Variants in NEU3 observed in about 807,000 individuals in gnomAD.
NEU3 encodes sialidase-3.
NEU3 carries 10 observed loss-of-function variants against 11.4 expected under a neutral mutation model. That is an observed-to-expected ratio of 0.88 (90% CI 0.54 to 1.49). NEU3 has a LOEUF of 1.49. Ranked by LOEUF, NEU3 falls within the 40% of genes most tolerant of loss-of-function variation. The pLI, the probability that NEU3 is intolerant of heterozygous loss-of-function variation, is 0.00. For synonymous variants in NEU3, 212 were observed against 228.2 expected, an observed-to-expected ratio of 0.93 and a Z score of 0.64; for missense variants, 529 against 581.8, an observed-to-expected ratio of 0.91 and a Z score of 0.93.
chr11:74,984,140 A>G (rs999321855), upstream of NEU3, among the ~76,000 whole-genome samples: 1 of 152,242 alleles, frequency 6.6e-6, no homozygotes, highest in Non-Finnish European at 1.5e-5. Flanking sequence ...TGGCATAGAA[A>G]TGAAAGGTGC....
intron 1 of NEU3, among the ~76,000 whole-genome samples, chr11:74,989,448 G>C (rs535622815): frequency 6.6e-6 from 1 of 152,196 alleles, no homozygotes; most frequent in Non-Finnish European, 1.5e-5. Context: ...CTGAGCTTCA[G>C]TTTCAACTTA....
intron 2 of NEU3, among the ~76,000 whole-genome samples, chr11:75,001,337 A>G (rs1452702770): frequency 6.9e-6 from 1 of 144,176 alleles, no homozygotes; most frequent in African/African-American, 2.6e-5. Context: ...GCTGGAGTAC[A>G]GTGGTCAACT....
Position 75,006,581 on chromosome 11 carries a change from T to A in NEU3, c.*89T>A, listed in dbSNP as rs537024236. 4 of 1,434,912 alleles carry A rather than the reference T, an allele frequency of 2.8e-6. No homozygotes were observed. The South Asian group carries it at 4.2e-5, about 15-fold the overall frequency. 88.9% of individuals were successfully genotyped at this position (1,434,912 alleles called of 1,614,324 possible). On this transcript the variant is annotated 3_prime_UTR_variant, in exon 3 of 3. Coordinates refer to ENST00000294064, the MANE Select transcript of NEU3 (RefSeq NM_006656.6). Reference sequence around the variant, plus strand: ...TGAAGTCTACAGATAATCAAAAAACTTAATATTCTGTTCCCTACCTTTTTT... The same window carrying A: ...TGAAGTCTACAGATAATCAAAAAACATAATATTCTGTTCCCTACCTTTTTT...
rs375591655 is a variant in NEU3, at chr11:74,992,829, G to T, written c.95-1680G>T. Among the ~76,000 whole-genome samples, 28 of 152,162 alleles carry T rather than the reference G, an allele frequency of 1.8e-4. No individual in the cohort carries two copies. The East Asian group carries it at 5.2e-3, about 28-fold the overall frequency. ...CAAAAAATTAGCTGGGCGTGCTGGCGGGCGCTTGCAATCCCAGCTACTTGG... is the reference window on the plus strand; with the variant it reads ...CAAAAAATTAGCTGGGCGTGCTGGCTGGCGCTTGCAATCCCAGCTACTTGG... On this transcript the variant is annotated intron_variant, in intron 1 of 2. Transcript: ENST00000294064.
downstream of NEU3, among the ~76,000 whole-genome samples, chr11:75,012,761 G>A (rs948074842): frequency 2.0e-5 from 3 of 152,184 alleles, no homozygotes; most frequent in Non-Finnish European, 2.9e-5. Flanking sequence ...GCTCTGGAAC[G>A]AGGGTATAAA....
At chr11:74,999,674 G>T (rs1948824263) in intron 2 of NEU3, among the ~76,000 whole-genome samples, 1 of 152,142 alleles carries the variant, frequency 6.6e-6, no homozygotes, top group South Asian at 2.1e-4. Context: ...TCCATTAAGG[G>T]TCTCCTTGCA....
upstream of NEU3, among the ~76,000 whole-genome samples, chr11:74,984,394 C>T (rs533519413): frequency 7.7e-4 from 118 of 152,328 alleles, 2 homozygotes; most frequent in Admixed American, 3.3e-4. Context: ...ATCTGGCTCT[C>T]TGCGTCATCA....
At position 75,006,844 on chromosome 11, in the gene NEU3, G is replaced by C. The variant is rs1948905250; in HGVS notation, c.*352G>C. The C allele has an allele frequency of 4.9e-6, 1 of 203,058 alleles. No homozygotes were observed. Among genetic ancestry groups the C allele is most frequent in the Non-Finnish European group, 1.0e-5 (1 of 100,300 alleles). 12.6% of individuals were successfully genotyped at this position (203,058 alleles called of 1,614,324 possible). A position where few individuals can be genotyped will look rare whatever the true frequency, so the allele number is the denominator to read the frequency against. Reference sequence around the variant, plus strand: ...CCTAGGACAAGCATAGTGCCTGCATGCTTCATGATCAGTAAGTCCTGGCTG... The same window carrying C: ...CCTAGGACAAGCATAGTGCCTGCATCCTTCATGATCAGTAAGTCCTGGCTG... On this transcript the variant is annotated 3_prime_UTR_variant, in exon 3 of 3. Transcript: ENST00000294064.
chr11:75,017,180 G>A (rs571602725), intron 3 of NEU3, among the ~76,000 whole-genome samples: 15 of 152,334 alleles, frequency 9.8e-5, no homozygotes, highest in African/African-American at 3.6e-4. Flanking sequence ...TTCCATGTCT[G>A]CTTCCAAGGC....
At chr11:74,986,776 T>C (rs1247115537), upstream of NEU3, among the ~76,000 whole-genome samples, 1 of 152,268 alleles carries the variant, frequency 6.6e-6, no homozygotes, top group African/African-American at 2.4e-5. Flanking sequence ...TCATTTATTC[T>C]GTTCTTATTT....
intron 2 of NEU3, among the ~76,000 whole-genome samples, chr11:75,001,122 C>T (rs1388275507): frequency 1.3e-5 from 2 of 152,052 alleles, no homozygotes; most frequent in African/African-American, 4.8e-5. Flanking sequence ...CGACATTTGT[C>T]ATTTTCTGGT....
chr11:74,989,003 C>A lies in NEU3; in HGVS notation c.-58C>A. The A allele has an allele frequency of 1.5e-6, 2 of 1,304,782 alleles. No individual in the cohort carries two copies. The highest frequency in any genetic ancestry group is 1.5e-5 in the African/African-American group (1 of 67,656). 80.8% of individuals were successfully genotyped at this position (1,304,782 alleles called of 1,614,324 possible). On this transcript the variant is annotated 5_prime_UTR_variant, in exon 1 of 3. Coordinates refer to ENST00000294064, the MANE Select transcript of NEU3 (RefSeq NM_006656.6). ...GTCTCAGTTGTTTCTCCCTCTCTATCCTCCTCTGTCTCAGTCTCCCCAGCC... is the reference window on the plus strand; with the variant it reads ...GTCTCAGTTGTTTCTCCCTCTCTATACTCCTCTGTCTCAGTCTCCCCAGCC...
intron 2 of NEU3, among the ~76,000 whole-genome samples, chr11:74,999,980 C>T (rs569642598): frequency 8.5e-5 from 13 of 152,222 alleles, no homozygotes; most frequent in African/African-American, 2.2e-4. Context: ...TGATTACTGT[C>T]GTTGGGATCT....
intron 2 of NEU3, among the ~76,000 whole-genome samples, chr11:75,000,776 A>AATTTATTT (rs61008511): frequency 0.25 from 33,529 of 134,190 alleles, 4,545 homozygotes; most frequent in African/African-American, 0.28. Context: ...ATACCCAGCT[A>AATTTATTT]ATTTATTTAT....
At chr11:74,982,148 C>T in the NEU3 span, among the ~76,000 whole-genome samples, 103 of 152,176 alleles carry the variant, frequency 6.8e-4, no homozygotes, top group African/African-American at 2.4e-3. Flanking sequence ...AAAACATTAG[C>T]TGTTTGTTGA....
At chr11:75,018,859 G>A (rs1948991522) in exon 4 of NEU3, 1 of 153,730 alleles carries the variant, frequency 6.5e-6, no homozygotes, top group African/African-American at 2.4e-5. Flanking sequence ...ACTCCCTAGA[G>A]ACTTGTTGAA....
downstream of NEU3, among the ~76,000 whole-genome samples, chr11:75,014,604 A>C (rs1208056320): frequency 6.6e-6 from 1 of 152,214 alleles, no homozygotes; most frequent in East Asian, 1.9e-4. Context: ...TAGGCTGGGC[A>C]TGGTAGCTCA....
rs1475192835 is a variant in NEU3, at chr11:75,010,339, G to T, written c.*3847G>T. On this transcript the variant is annotated 3_prime_UTR_variant, in exon 3 of 3. Transcript: ENST00000294064. ...CTTTGTCCTCTGCACCCAGCGTAGG[G>T]CCTGAAACAGAGTAGCTAGCAGTAA... The T allele has an allele frequency of 6.6e-6, 1 of 152,196 alleles. No individual in the cohort carries two copies. Among genetic ancestry groups the T allele is most frequent in the Non-Finnish European group, 1.5e-5 (1 of 68,040 alleles). The allele number at this position is 152,196 out of a possible 1,614,324, so 9.4% of individuals were successfully genotyped here. A position where few individuals can be genotyped will look rare whatever the true frequency, so the allele number is the denominator to read the frequency against.
At chr11:75,016,529 T>G (rs1305434231) in intron 3 of NEU3, among the ~76,000 whole-genome samples, 4 of 152,038 alleles carry the variant, frequency 2.6e-5, no homozygotes, top group Non-Finnish European at 4.4e-5. Context: ...TTTTGAGGGG[T>G]GGGTGCCAAG....
Sources: allele counts gnomAD v4.1 joint callset (sites outside exome capture counted in the v4.1 genomes callset), GRCh38; gene constraint gnomAD v4.1.1; transcripts MANE v1.5; gene names NCBI Gene and HGNC (gene_info 2026-07-23, HGNC 2026-07-21).